Variants in EYA4 observed in about 807,000 individuals in gnomAD.
The protein encoded by EYA4 is EYA transcriptional coactivator and phosphatase 4.
In EYA4, 31 loss-of-function variants were observed where a neutral mutation model predicts 87.9. The ratio of observed to expected loss-of-function variants is 0.35; its 90% CI spans 0.27 to 0.48. The LOEUF is 0.48. Among genes scored for constraint, EYA4 ranks in the 20% least tolerant of loss-of-function variants. The probability of loss-of-function intolerance (pLI) is 0.99; values close to 1 mark genes in which losing one functional copy is unlikely to be tolerated. For missense variants in EYA4, 678 were observed against 761.4 expected (o/e 0.89, Z 1.29); for synonymous variants, 263 against 270.6 (o/e 0.97, Z 0.28).
intron 2 of EYA4, among the ~76,000 whole-genome samples, chr6:133,292,559 G>C: frequency 6.6e-6 from 1 of 152,158 alleles, no homozygotes; most frequent in East Asian, 1.9e-4. Context: ...TTGCTTTGCT[G>C]TTAGATTCCA....
rs11755170 is a variant in EYA4, at chr6:133,310,677, T to A, written c.33+35864T>A. 5.6e-3 allele frequency among the ~76,000 whole-genome samples: 858 copies of A among 152,122 alleles called. 10 individuals are homozygous for A. Among genetic ancestry groups the A allele is most frequent in the Non-Finnish European group, 7.7e-3 (521 of 67,992 alleles). ...AGTGACTAAAAGATATTTGGAGGAG[T>A]CTTGGGGAAAACTAAATTGTGAAAA... On this transcript the variant is annotated intron_variant, in intron 2 of 19. Transcript: ENST00000355286.
intron 2 of EYA4, among the ~76,000 whole-genome samples, chr6:133,372,737 ATTG>A (rs528562803): frequency 2.1e-3 from 326 of 151,726 alleles, no homozygotes; most frequent in African/African-American, 7.5e-3. Context: ...TTATCAATGT[ATTG>A]TTCTAGAAAT....
chr6:133,367,209 C>T (rs548531533), intron 2 of EYA4, among the ~76,000 whole-genome samples: 1 of 152,234 alleles, frequency 6.6e-6, no homozygotes, highest in African/African-American at 2.4e-5. Flanking sequence ...AGCTTACAAG[C>T]AGGGTAAAAT....
At chr6:133,259,561 A>G (rs930058007) in intron 1 of EYA4, among the ~76,000 whole-genome samples, 1 of 152,334 alleles carries the variant, frequency 6.6e-6, no homozygotes, top group South Asian at 2.1e-4. Context: ...AGGGTACTCA[A>G]ACTTTCCTGG....
At chr6:133,391,228 T>TC (rs869236906) in intron 3 of EYA4, among the ~76,000 whole-genome samples, 1 of 36,836 alleles carries the variant, frequency 2.7e-5, no homozygotes, top group African/African-American at 5.2e-5. Context: ...TTTTGTTTTT[T>TC]TTTTTTTTTT....
chr6:133,522,941 G>T (rs1185700713), intron 17 of EYA4, 115 bp from the exon 18 acceptor site: 7 of 854,138 alleles, frequency 8.2e-6, no homozygotes, highest in Non-Finnish European at 1.2e-5. Context: ...CAATAGTAAT[G>T]AATTTTGAAA....
intron 13 of EYA4, among the ~76,000 whole-genome samples, chr6:133,501,857 G>T (rs1478746218): frequency 1.3e-5 from 2 of 152,196 alleles, no homozygotes; most frequent in Non-Finnish European, 2.9e-5. Flanking sequence ...GCCCAATGCA[G>T]GGCAGAGGCC....
At chr6:133,515,823 A>G (rs1470859141) in intron 17 of EYA4, among the ~76,000 whole-genome samples, 1 of 152,196 alleles carries the variant, frequency 6.6e-6, no homozygotes, top group African/African-American at 2.4e-5. Context: ...GATGGCAAAT[A>G]TGAAACAGTA....
At chr6:133,348,775 C>T (rs2128421068) in intron 2 of EYA4, among the ~76,000 whole-genome samples, 1 of 152,214 alleles carries the variant, frequency 6.6e-6, no homozygotes, top group African/African-American at 2.4e-5. Context: ...TGCTACCAAC[C>T]TAGCTCAGAG....
chr6:133,382,422 T>A lies in EYA4; in HGVS notation c.64T>A (p.Ser22Thr). ...VKKTCTESDV[S>T]QSQNSRSMEM... ...GAAAACGTGCACAGAATCAGATGTT[T>A]CACAATCTCAGAATTCCAGGTACAG... is the stretch of plus-strand genomic sequence containing the variant. The change falls in exon 3 of 20, where the codon TCA becomes ACA. Residue 22 changes from serine to threonine, a missense_variant. Physicochemically the swap from Ser to Thr is moderately conservative, Grantham distance 58. Coordinates refer to ENST00000355286, the MANE Select transcript of EYA4 (RefSeq NM_004100.5). 6.2e-7 allele frequency: 1 copy of A among 1,611,246 alleles called. No individual in the cohort carries two copies. Among genetic ancestry groups the A allele is most frequent in the South Asian group, 1.1e-5 (1 of 91,022 alleles).
chr6:133,531,085 T>G lies in EYA4; in HGVS notation c.*2280T>G. The G allele has an allele frequency of 7.0e-7, 1 of 1,420,744 alleles. No individual in the cohort carries two copies. Among genetic ancestry groups the G allele is most frequent in the Non-Finnish European group, 9.2e-7 (1 of 1,090,082 alleles). The allele number at this position is 1,420,744 out of a possible 1,614,324, so 88.0% of individuals were successfully genotyped here. A position where few individuals can be genotyped will look rare whatever the true frequency, so the allele number is the denominator to read the frequency against. The stretch of plus-strand genomic sequence containing the variant: ...CTTTTCATATCAAACAAGCAAGGCT[T>G]TTTATGCTGCTAAGTCTGTGGGTGC... On this transcript the variant is annotated 3_prime_UTR_variant, in exon 20 of 20. Coordinates refer to ENST00000355286, the MANE Select transcript of EYA4 (RefSeq NM_004100.5).
In EYA4 at chr6:133,353,210, A is replaced by G. The variant is rs565680351; in HGVS notation, c.34-29182A>G. Among the ~76,000 whole-genome samples, 4 of 152,204 alleles carry G rather than the reference A, an allele frequency of 2.6e-5. No individual in the cohort carries two copies. In the South Asian group the frequency reaches 8.3e-4, roughly 32 times the overall value. On this transcript the variant is annotated intron_variant, in intron 2 of 19. Transcript: ENST00000355286. ...TATCCTCTATGTCTACTTGACCCAT[A>G]AGTTTCTCAATTATCTATTATTCAA...
intron 2 of EYA4, among the ~76,000 whole-genome samples, chr6:133,316,781 A>G (rs1227565154): frequency 6.6e-6 from 1 of 152,108 alleles, no homozygotes; most frequent in Non-Finnish European, 1.5e-5. Context: ...TTCCTTGTGC[A>G]TATTAGTTGA....
At chr6:133,379,892 T>G (rs780962132) in intron 2 of EYA4, among the ~76,000 whole-genome samples, 1 of 152,136 alleles carries the variant, frequency 6.6e-6, no homozygotes, top group Non-Finnish European at 1.5e-5. Context: ...CCCAGTTTGT[T>G]TTTTTACAAC....
At chr6:133,463,733 A>G (rs896332229) in intron 9 of EYA4, among the ~76,000 whole-genome samples, 1 of 152,196 alleles carries the variant, frequency 6.6e-6, no homozygotes, top group African/African-American at 2.4e-5. Context: ...GCTGGTTACT[A>G]TCTGTCATTT....
intron 17 of EYA4, among the ~76,000 whole-genome samples, chr6:133,518,219 T>G (rs766323590): frequency 2.1e-4 from 32 of 151,778 alleles, no homozygotes; most frequent in Non-Finnish European, 3.2e-4. Flanking sequence ...ATGATTACAT[T>G]ATTAGATTAT....
At chr6:133,305,215 G>A (rs1368864515) in intron 2 of EYA4, among the ~76,000 whole-genome samples, 2 of 152,156 alleles carry the variant, frequency 1.3e-5, no homozygotes, top group African/African-American at 4.8e-5. Context: ...ATGGGGTCAG[G>A]CTAGTAGTGG....
chr6:133,290,013 G>A (rs1218282169), intron 2 of EYA4, among the ~76,000 whole-genome samples: 2 of 152,172 alleles, frequency 1.3e-5, no homozygotes, highest in African/African-American at 4.8e-5. Context: ...GTTGACACAC[G>A]TGGACAGTAG....
At position 133,531,852 on chromosome 6, in the gene EYA4, G is replaced by T. The variant is rs1433491918; in HGVS notation, c.*3047G>T. The T allele has an allele frequency of 6.6e-6, 1 of 152,138 alleles. No homozygotes were observed. Among genetic ancestry groups the T allele is most frequent in the Non-Finnish European group, 1.5e-5 (1 of 68,024 alleles). The allele number at this position is 152,138 out of a possible 1,614,324, so 9.4% of individuals were successfully genotyped here. A position where few individuals can be genotyped will look rare whatever the true frequency, so the allele number is the denominator to read the frequency against. The stretch of plus-strand genomic sequence containing the variant: ...TTTAAAGCACATTTGTTTATGACAA[G>T]CCTACATTCTCAGTGAATATGGCAT... On this transcript the variant is annotated 3_prime_UTR_variant, in exon 20 of 20. Coordinates refer to ENST00000355286, the MANE Select transcript of EYA4 (RefSeq NM_004100.5).
Sources: gnomAD v4.1 joint callset for allele counts (sites outside exome capture counted in the v4.1 genomes callset) on GRCh38, gnomAD v4.1.1 for gene constraint, MANE v1.5 for transcripts, NCBI Gene and HGNC (gene_info 2026-07-23, HGNC 2026-07-21) for gene names.